The following LRRIQ1 variants were observed in gnomAD, a reference collection of about 807,000 sequenced individuals.
LRRIQ1 encodes the protein leucine-rich repeat- and IQ domain-containing protein 1.
Under a neutral mutation model 211.9 loss-of-function variants are expected in LRRIQ1, and 210 were observed. The observed-to-expected ratio is 0.99, with a 90% CI of 0.89 to 1.11. The LOEUF (loss-of-function observed/expected upper bound fraction) is 1.11, where lower values mean the gene tolerates loss of function less well. Among genes scored for constraint, LRRIQ1 ranks in the 50% most tolerant of loss-of-function variants. The pLI is 0.00. For missense variants in LRRIQ1, 2,136 were observed against 1,939.5 expected, an observed-to-expected ratio of 1.10 and a Z score of -1.90; for synonymous variants, 699 against 650.1, an observed-to-expected ratio of 1.08 and a Z score of -1.14.
chr12:85,046,100 T>C lies in LRRIQ1; in HGVS notation c.417T>C (p.Ser139=). 1 of 1,609,988 alleles carries C rather than the reference T, an allele frequency of 6.2e-7. No homozygotes were observed. Among genetic ancestry groups the C allele is most frequent in the Non-Finnish European group, 8.5e-7 (1 of 1,177,230 alleles). Residue 139 remains serine (S), a synonymous_variant, in exon 5 of 27, where the codon AGT becomes AGC. Coordinates refer to ENST00000393217, the MANE Select transcript of LRRIQ1 (RefSeq NM_001079910.2). The part of the protein sequence containing the change: ...CATPDFVPEP[S]PHDLPMDEHV... Reference sequence around the variant, plus strand: ...CTCCTGATTTTGTTCCTGAGCCTAGTCCTCATGACTTGCCTATGGATGAAC... The same window carrying C: ...CTCCTGATTTTGTTCCTGAGCCTAGCCCTCATGACTTGCCTATGGATGAAC...
chr12:85,110,448 T>C (rs897272314), intron 15 of LRRIQ1, among the ~76,000 whole-genome samples: 1 of 152,068 alleles, frequency 6.6e-6, no homozygotes, highest in South Asian at 2.1e-4. Context: ...CTGAGTCCCA[T>C]AAAGGCTAAA....
At chr12:85,183,924 A>G (rs1009398991) in intron 24 of LRRIQ1, among the ~76,000 whole-genome samples, 9 of 152,072 alleles carry the variant, frequency 5.9e-5, no homozygotes, top group Non-Finnish European at 1.2e-4. Flanking sequence ...TACAGGCATA[A>G]CCTTACTAGT....
chr12:85,083,344 T>TA (rs1565817435), intron 11 of LRRIQ1, among the ~76,000 whole-genome samples: 1 of 152,174 alleles, frequency 6.6e-6, no homozygotes, highest in Non-Finnish European at 1.5e-5. Flanking sequence ...GGAAATATTC[T>TA]AAAAAAGATG....
At chr12:85,096,042 T>G (rs1885847400) in intron 11 of LRRIQ1, among the ~76,000 whole-genome samples, 1 of 151,980 alleles carries the variant, frequency 6.6e-6, no homozygotes, top group Non-Finnish European at 1.5e-5. Context: ...CTTATTTGGA[T>G]CTTCTCTCAT....
intron 26 of LRRIQ1, among the ~76,000 whole-genome samples, chr12:85,243,223 A>T (rs1035445999): frequency 1.4e-5 from 2 of 148,108 alleles, no homozygotes; most frequent in African/African-American, 5.0e-5. Flanking sequence ...AAGGTTTACC[A>T]TTGATGGAAC....
intron 1 of LRRIQ1, among the ~76,000 whole-genome samples, chr12:85,252,003 A>G (rs1176662487): frequency 1.3e-5 from 2 of 151,968 alleles, no homozygotes; most frequent in Non-Finnish European, 2.9e-5. Flanking sequence ...CATTGTTTAA[A>G]TGGTCTCTAA....
At chr12:85,116,908 A>G (rs1887624561) in intron 15 of LRRIQ1, among the ~76,000 whole-genome samples, 1 of 137,616 alleles carries the variant, frequency 7.3e-6, no homozygotes, top group East Asian at 2.1e-4. Flanking sequence ...ATGGCTGCAT[A>G]TATTCCATGG....
the LRRIQ1 span, among the ~76,000 whole-genome samples, chr12:85,272,109 C>G: frequency 1.3e-5 from 2 of 152,064 alleles, no homozygotes; most frequent in Non-Finnish European, 2.9e-5. Context: ...CAACTGTGAT[C>G]CAGTAGTTAG....
Position 85,229,497 on chromosome 12 carries a change from G to A in LRRIQ1, c.4823-20G>A, listed in dbSNP as rs542593847. ...TGGTCTCTTTAAATAATAAGTACACGTTCCATATTTCTTTCACAGGTATAG... is the reference window on the plus strand; with the variant it reads ...TGGTCTCTTTAAATAATAAGTACACATTCCATATTTCTTTCACAGGTATAG... On this transcript the variant is annotated intron_variant, in intron 24 of 26. Coordinates refer to ENST00000393217, the MANE Select transcript of LRRIQ1 (RefSeq NM_001079910.2). 3.4e-5 allele frequency: 54 copies of A among 1,585,342 alleles called. No individual in the cohort carries two copies. Among genetic ancestry groups the A allele is most frequent in the South Asian group, 8.2e-5 (7 of 85,658 alleles).
chr12:85,144,429 G>T (rs777213159), intron 19 of LRRIQ1, among the ~76,000 whole-genome samples: 1 of 151,494 alleles, frequency 6.6e-6, no homozygotes, highest in African/African-American at 2.4e-5. Context: ...GAAAGTTTAA[G>T]ATATAGAGCA....
intron 26 of LRRIQ1, among the ~76,000 whole-genome samples, chr12:85,236,584 A>G (rs117107056): frequency 3.4e-3 from 522 of 152,106 alleles, no homozygotes; most frequent in Middle Eastern, 0.014. Context: ...GATGTCACCA[A>G]TGTGAAAATC....
chr12:85,072,955 G>A lies in LRRIQ1; in HGVS notation c.2744G>A (p.Cys915Tyr). 6.2e-7 allele frequency: 1 copy of A among 1,612,292 alleles called. No individual in the cohort carries two copies. Among genetic ancestry groups the A allele is most frequent in the South Asian group, 1.1e-5 (1 of 90,980 alleles). Residue 915 changes from cysteine to tyrosine, a missense_variant, in exon 11 of 27, where the codon TGC (cysteine) becomes TAC (tyrosine). Coordinates refer to ENST00000393217, the MANE Select transcript of LRRIQ1 (RefSeq NM_001079910.2). ...AAACTTGTTGACAATGCAGGGTTCT[G>A]CCATCACTTGGGCACCTCCACTTCT... ...EEKLVDNAGFCHHLGTSTSYL... is the reference protein window; with the variant it reads ...EEKLVDNAGFYHHLGTSTSYL...
chr12:85,052,628 G>A (rs1026937934), intron 7 of LRRIQ1, among the ~76,000 whole-genome samples: 1 of 151,824 alleles, frequency 6.6e-6, no homozygotes, highest in Admixed American at 6.6e-5. Context: ...TGATGTTTTA[G>A]TTTTTATTTA....
intron 24 of LRRIQ1, among the ~76,000 whole-genome samples, chr12:85,188,984 A>C (rs1892360044): frequency 6.6e-6 from 1 of 152,172 alleles, no homozygotes; most frequent in African/African-American, 2.4e-5. Flanking sequence ...AGCAAACTTC[A>C]TTTTGAACTG....
chr12:85,257,104 AAT>A (rs1233476814), intron 1 of LRRIQ1, among the ~76,000 whole-genome samples: 3 of 69,334 alleles, frequency 4.3e-5, no homozygotes, highest in South Asian at 4.5e-4. Context: ...TAATTATATA[AAT>A]ATATATAATT....
chr12:85,106,429 T>G, intron 14 of LRRIQ1, 93 bp from the exon 15 acceptor site: 1 of 869,252 alleles, frequency 1.2e-6, no homozygotes. Context: ...TGCTTTTCTT[T>G]AATAGCAAAC....
At chr12:85,190,632 C>A (rs150623567) in intron 24 of LRRIQ1, among the ~76,000 whole-genome samples, 40 of 151,420 alleles carry the variant, frequency 2.6e-4, no homozygotes, top group Admixed American at 4.6e-4. Context: ...TTCTGATGGG[C>A]GTTTCAGACT....
At chr12:85,089,775 C>T (rs1039109244) in intron 11 of LRRIQ1, among the ~76,000 whole-genome samples, 1 of 152,060 alleles carries the variant, frequency 6.6e-6, no homozygotes, top group African/African-American at 2.4e-5. Flanking sequence ...AAAGCATAAA[C>T]GTTTGGAGAA....
chr12:85,136,985 G>A (rs571493998), intron 18 of LRRIQ1, among the ~76,000 whole-genome samples: 1 of 151,628 alleles, frequency 6.6e-6, no homozygotes, highest in African/African-American at 2.4e-5. Flanking sequence ...CAAGCAAGAT[G>A]TATTTAGAGA....
Sources: gnomAD v4.1 joint callset for allele counts (sites outside exome capture counted in the v4.1 genomes callset) on GRCh38, gnomAD v4.1.1 for gene constraint, MANE v1.5 for transcripts, NCBI Gene and HGNC (gene_info 2026-07-23, HGNC 2026-07-21) for gene names.